Variants in TRAK1 observed in about 807,000 individuals in gnomAD.
TRAK1 encodes trafficking kinesin protein 1, also known as trafficking kinesin-binding protein 1.
A neutral mutation model predicts 92.1 loss-of-function variants in TRAK1; 33 were observed. That is an observed-to-expected ratio of 0.36 (90% CI 0.27 to 0.48). TRAK1 has a LOEUF of 0.48. TRAK1 is among the 20% of genes least tolerant of loss of function. The probability of loss-of-function intolerance (pLI) is 0.99; values close to 1 mark genes in which losing one functional copy is unlikely to be tolerated. For synonymous variants in TRAK1, 521 were observed against 517.3 expected (o/e 1.01, Z -0.10); for missense variants, 1,123 against 1,257.9 (o/e 0.89, Z 1.62).
intron 2 of TRAK1, among the ~76,000 whole-genome samples, chr3:42,153,977 A>T (rs939072829): frequency 4.1e-4 from 63 of 152,276 alleles, no homozygotes; most frequent in African/African-American, 1.5e-3. Context: ...TAAAAAAAGA[A>T]AAAGAATGAA....
At chr3:42,071,162 AAGCCAAGT>A (rs1345751176) in intron 1 of TRAK1, among the ~76,000 whole-genome samples, 1 of 152,220 alleles carries the variant, frequency 6.6e-6, no homozygotes, top group Non-Finnish European at 1.5e-5. Flanking sequence ...GATTTTTTAA[AAGCCAAGT>A]TCCTCCTACG....
chr3:42,136,083 G>C (rs1488350645), intron 2 of TRAK1, among the ~76,000 whole-genome samples: 1 of 152,128 alleles, frequency 6.6e-6, no homozygotes, highest in Non-Finnish European at 1.5e-5. Context: ...TCTGAAACCT[G>C]TTTCTCTATC....
intron 2 of TRAK1, among the ~76,000 whole-genome samples, chr3:42,140,754 G>A (rs1407202631): frequency 1.3e-5 from 2 of 152,240 alleles, no homozygotes; most frequent in Non-Finnish European, 2.9e-5. Context: ...GAGTCCTATG[G>A]CCCCCTCAAG....
At chr3:42,074,221 G>C (rs1247374777) in intron 1 of TRAK1, among the ~76,000 whole-genome samples, 1 of 152,144 alleles carries the variant, frequency 6.6e-6, no homozygotes, top group Non-Finnish European at 1.5e-5. Context: ...GTAAAAAGTG[G>C]GTGCTGATAT....
intron 2 of TRAK1, among the ~76,000 whole-genome samples, chr3:42,140,827 C>T (rs1252488373): frequency 6.6e-6 from 1 of 152,168 alleles, no homozygotes; most frequent in African/African-American, 2.4e-5. Context: ...TCTTGGCTGG[C>T]CCGGCATACA....
chr3:42,090,841 G>A (rs962794605), upstream of TRAK1, among the ~76,000 whole-genome samples: 2 of 152,192 alleles, frequency 1.3e-5, no homozygotes, highest in African/African-American at 4.8e-5. Flanking sequence ...TTTAGCACTG[G>A]CTTGGTAAAC....
chr3:42,131,942 C>T (rs1342280731), intron 2 of TRAK1, among the ~76,000 whole-genome samples: 5 of 148,358 alleles, frequency 3.4e-5, no homozygotes, highest in Non-Finnish European at 7.4e-5. Context: ...ATGGTATGCA[C>T]CTTGTAGTCC....
intron 1 of TRAK1, among the ~76,000 whole-genome samples, chr3:42,030,372 A>ATATATATATATAT (rs1553701574): frequency 3.0e-5 from 4 of 132,320 alleles, no homozygotes; most frequent in African/African-American, 8.4e-5. Context: ...TAAAAAAAAA[A>ATATATATATATAT]ATATATATAT....
chr3:42,112,360 G>A (rs572941641), intron 1 of TRAK1, among the ~76,000 whole-genome samples: 81 of 150,428 alleles, frequency 5.4e-4, no homozygotes, highest in African/African-American at 2.0e-3. Flanking sequence ...CCTGGGAGGT[G>A]GAGGTTGCAG....
chr3:42,114,904 G>C (rs1266043060), intron 1 of TRAK1, among the ~76,000 whole-genome samples: 1 of 151,886 alleles, frequency 6.6e-6, no homozygotes, highest in Admixed American at 6.6e-5. Flanking sequence ...GTAAAGATGG[G>C]GTTTTGCTGT....
At chr3:42,039,793 T>TGCCA (rs1221501999) in intron 1 of TRAK1, among the ~76,000 whole-genome samples, 1 of 152,254 alleles carries the variant, frequency 6.6e-6, no homozygotes, top group African/African-American at 2.4e-5. Flanking sequence ...ATAGAGGGAC[T>TGCCA]GCCAGACTGT....
At chr3:42,168,349 G>A (rs1034544263) in intron 2 of TRAK1, among the ~76,000 whole-genome samples, 42 of 152,328 alleles carry the variant, frequency 2.8e-4, no homozygotes, top group African/African-American at 9.9e-4. Flanking sequence ...ATGTAACAGG[G>A]AAGTGGCTGG....
At chr3:42,190,424 C>G (rs1253268563) in intron 6 of TRAK1, among the ~76,000 whole-genome samples, 1 of 152,292 alleles carries the variant, frequency 6.6e-6, no homozygotes, top group East Asian at 1.9e-4. Context: ...CTTCCAGCAC[C>G]TTGTTCACTG....
At chr3:42,067,375 G>A (rs903703239) in intron 1 of TRAK1, among the ~76,000 whole-genome samples, 5 of 152,146 alleles carry the variant, frequency 3.3e-5, no homozygotes, top group African/African-American at 4.8e-5. Flanking sequence ...GGCTGTGTCC[G>A]GGCTGAGATG....
chr3:42,158,502 G>A (rs1295647927), intron 2 of TRAK1, among the ~76,000 whole-genome samples: 3 of 151,314 alleles, frequency 2.0e-5, no homozygotes, highest in African/African-American at 7.3e-5. Context: ...TTTTTTGAGT[G>A]TGTTTATATT....
At chr3:42,151,263 C>T in intron 2 of TRAK1, 1 of 441,342 alleles carries the variant, frequency 2.3e-6, no homozygotes, top group South Asian at 1.6e-5. Flanking sequence ...AGTCGCTTGC[C>T]ATGGTCAATC....
chr3:42,148,766 A>G (rs530152240), intron 2 of TRAK1, among the ~76,000 whole-genome samples: 1 of 152,328 alleles, frequency 6.6e-6, no homozygotes, highest in Admixed American at 6.5e-5. Flanking sequence ...AAATGTTTCC[A>G]TTTTCTAAGT....
intron 2 of TRAK1, among the ~76,000 whole-genome samples, chr3:42,157,457 CAAAAAAAAAAAAAAAAA>C (rs60622565): frequency 0.059 from 1,837 of 31,242 alleles, 86 homozygotes; most frequent in Middle Eastern, 0.25. Flanking sequence ...GACCCTGTCT[CAAAAAAAAAAAAAAAAA>C]AAAAAAAAAA....
intron 13 of TRAK1, among the ~76,000 whole-genome samples, chr3:42,205,614 C>T (rs930702282): frequency 5.9e-5 from 9 of 152,158 alleles, no homozygotes; most frequent in Admixed American, 2.6e-4. Context: ...TTTGCACTTC[C>T]TTTCTGCTTA....
Sources: gnomAD v4.1 joint callset for allele counts (sites outside exome capture counted in the v4.1 genomes callset) on GRCh38, gnomAD v4.1.1 for gene constraint, MANE v1.5 for transcripts, NCBI Gene and HGNC (gene_info 2026-07-23, HGNC 2026-07-21) for gene names.